Variants in WDR31 observed in about 807,000 individuals in gnomAD.
WDR31 encodes the protein WD repeat-containing protein 31.
A neutral mutation model predicts 47.3 loss-of-function variants in WDR31; 30 were observed. That is an observed-to-expected ratio of 0.63 (90% CI 0.47 to 0.86). WDR31 has a LOEUF of 0.86. Among genes scored for constraint, WDR31 ranks in the 40% least tolerant of loss-of-function variants. The pLI, the probability that WDR31 is intolerant of heterozygous loss-of-function variation, is 0.00. For synonymous variants in WDR31, 137 were observed against 159.4 expected (o/e 0.86, Z 1.06); for missense variants, 406 against 442.9 (o/e 0.92, Z 0.75).
chr9:113,325,429 A>T (rs1015286538), intron 5 of WDR31, among the ~76,000 whole-genome samples: 2 of 151,692 alleles, frequency 1.3e-5, no homozygotes, highest in Non-Finnish European at 1.5e-5. Context: ...TCATATTTTC[A>T]TTGTCTTCTT....
intron 6 of WDR31, 27 bp from the exon 7 acceptor site, chr9:113,322,938 C>A: frequency 6.2e-7 from 1 of 1,613,924 alleles, no homozygotes; most frequent in Non-Finnish European, 8.5e-7. Flanking sequence ...GAGAAGACAG[C>A]CTGTGAGTGG....
intron 5 of WDR31, among the ~76,000 whole-genome samples, chr9:113,325,361 T>C (rs1833438492): frequency 6.6e-6 from 1 of 152,238 alleles, no homozygotes; most frequent in Non-Finnish European, 1.5e-5. Context: ...ACTGCTATCA[T>C]ATATATGTTT....
chr9:113,316,701 C>A lies in WDR31; in HGVS notation c.*48G>T. ...TAACTGGGAAAGACACAAAGCCATG[C>A]TGAGGAGGAGCCATGGTTTGATATT... is the stretch of plus-strand genomic sequence containing the variant. On this transcript the variant is annotated 3_prime_UTR_variant, in exon 11 of 11. Transcript: ENST00000374193. 6.3e-7 allele frequency: 1 copy of A among 1,580,184 alleles called. No homozygotes were observed. The highest frequency in any genetic ancestry group is 1.8e-5 in the Admixed American group (1 of 56,920).
rs1588034863 is a variant in WDR31, at chr9:113,313,876, A to G, written c.*2873T>C. On this transcript the variant is annotated 3_prime_UTR_variant, in exon 11 of 11. Transcript: ENST00000374193. ...AAGGTTTAGAGGATAAGATCTAAGA[A>G]TGGATGAAGGAGGCCGGGCGCAGTG... The G allele has an allele frequency of 1.3e-5, 2 of 152,298 alleles. No homozygotes were observed. The highest frequency in any genetic ancestry group is 3.9e-4 in the East Asian group (2 of 5,162). The allele number at this position is 152,298 out of a possible 1,614,324, so 9.4% of individuals were successfully genotyped here.
intron 10 of WDR31, among the ~76,000 whole-genome samples, chr9:113,317,612 A>G (rs1301646286): frequency 1.3e-5 from 2 of 152,256 alleles, no homozygotes; most frequent in Non-Finnish European, 2.9e-5. Flanking sequence ...CTGTTTGCAG[A>G]ATGCCCACAA....
chr9:113,326,346 TTTTC>T (rs1318362018), intron 5 of WDR31, among the ~76,000 whole-genome samples: 4 of 152,124 alleles, frequency 2.6e-5, no homozygotes, highest in Non-Finnish European at 4.4e-5. Flanking sequence ...TACAGATTCT[TTTTC>T]TTTCTTCCTT....
chr9:113,323,752 C>T (rs1246885157), intron 5 of WDR31, among the ~76,000 whole-genome samples: 4 of 152,150 alleles, frequency 2.6e-5, no homozygotes. Flanking sequence ...GAGGATGTAT[C>T]CCCTCTTGGG....
chr9:113,331,083 T>G lies in WDR31; in HGVS notation c.150A>C (p.Gln50His). 6.2e-7 allele frequency: 1 copy of G among 1,604,814 alleles called. No individual in the cohort carries two copies. Among genetic ancestry groups the G allele is most frequent in the Non-Finnish European group, 8.5e-7 (1 of 1,173,714 alleles). The change falls in exon 4 of 11, where the codon CAA becomes CAC. Residue 50 changes from glutamine to histidine, a missense_variant. By Grantham distance (24) the Gln-to-His change is conservative (BLOSUM62 0). Coordinates refer to ENST00000374193, the MANE Select transcript of WDR31 (RefSeq NM_001012361.4). ...GGCTATACTCTTGAAAAGCTTTAGT[T>G]TGAATTCTCTCTTCTATAATTTCAT... ...RPDEIIEERI[Q>H]TKAFQEYSPA...
intron 7 of WDR31, 74 bp downstream of exon 7, chr9:113,322,737 T>A: frequency 5.4e-6 from 8 of 1,486,184 alleles, no homozygotes; most frequent in Non-Finnish European, 7.4e-6. Flanking sequence ...GGCCTCCTGA[T>A]TTATCTCCCG....
rs952698263 is a variant in WDR31, at chr9:113,322,538, C to A, written c.570+273G>T. Among the ~76,000 whole-genome samples the A allele has an allele frequency of 3.3e-5, 5 of 152,240 alleles. No homozygotes were observed. In the East Asian group the frequency reaches 9.6e-4, roughly 29 times the overall value. Reference sequence around the variant, plus strand: ...ACCCTGTTCCTAGCACAGTGTCTGGCCCACAGAAGAAACAGAATAATGAAA... The same window carrying A: ...ACCCTGTTCCTAGCACAGTGTCTGGACCACAGAAGAAACAGAATAATGAAA... On this transcript the variant is annotated intron_variant, in intron 7 of 10. Coordinates refer to ENST00000374193, the MANE Select transcript of WDR31 (RefSeq NM_001012361.4).
chr9:113,319,828 T>G (rs193227858), intron 9 of WDR31, among the ~76,000 whole-genome samples: 4 of 152,366 alleles, frequency 2.6e-5, no homozygotes, highest in Admixed American at 6.5e-5. Context: ...CTCTAAGCTC[T>G]GCTGGGAGTA....
At chr9:113,317,642 T>G (rs368295795) in intron 10 of WDR31, among the ~76,000 whole-genome samples, 1 of 152,328 alleles carries the variant, frequency 6.6e-6, no homozygotes, top group South Asian at 2.1e-4. Context: ...CTGCCTCTAT[T>G]CTCTGAGGGA....
chr9:113,331,829 C>T, intron 3 of WDR31, 78 bp downstream of exon 3: 1 of 1,362,412 alleles, frequency 7.3e-7, no homozygotes, highest in Non-Finnish European at 1.0e-6. Context: ...AACATTCGCC[C>T]TGGGCCTTCT....
intron 5 of WDR31, 105 bp from the exon 6 acceptor site, chr9:113,323,260 C>T (rs1833373789): frequency 7.3e-7 from 1 of 1,375,942 alleles, no homozygotes; most frequent in Admixed American, 2.4e-5. Context: ...TCCCCACACA[C>T]ACTTCTTTTC....
At chr9:113,318,860 C>T (rs1438871245) in intron 9 of WDR31, among the ~76,000 whole-genome samples, 2 of 152,318 alleles carry the variant, frequency 1.3e-5, no homozygotes, top group African/African-American at 2.4e-5. Flanking sequence ...TCTCAAACAA[C>T]CCTGGTTAAG....
At chr9:113,336,687 T>A (rs1350241462) in intron 1 of WDR31, among the ~76,000 whole-genome samples, 2 of 152,236 alleles carry the variant, frequency 1.3e-5, no homozygotes, top group Non-Finnish European at 2.9e-5. Context: ...TCATCAAAAA[T>A]CTTGAGTTGA....
intron 1 of WDR31, among the ~76,000 whole-genome samples, chr9:113,339,064 G>T (rs1833775262): frequency 6.6e-6 from 1 of 152,316 alleles, no homozygotes; most frequent in East Asian, 1.9e-4. Context: ...TACAGATTCA[G>T]TTATGGCTCT....
intron 5 of WDR31, among the ~76,000 whole-genome samples, chr9:113,326,690 TC>T (rs1833477462): frequency 6.6e-6 from 1 of 152,160 alleles, no homozygotes; most frequent in African/African-American, 2.4e-5. Context: ...CCCAGGCTGG[TC>T]TTGAACTCCT....
Position 113,323,165 on chromosome 9 carries a change from G to C in WDR31, c.325-10C>G. 1.2e-6 allele frequency: 2 copies of C among 1,607,710 alleles called. No homozygotes were observed. Among genetic ancestry groups the C allele is most frequent in the Non-Finnish European group, 1.7e-6 (2 of 1,177,804 alleles). ...TGGGAATACAGGCTACCTGCTCAGG[G>C]AAAAAACAACAACACTGAAATAGCT... On this transcript the variant is annotated splice_polypyrimidine_tract_variant and intron_variant, in intron 5 of 10. Transcript: ENST00000374193.
Sources: allele counts gnomAD v4.1 joint callset (sites outside exome capture counted in the v4.1 genomes callset), GRCh38; gene constraint gnomAD v4.1.1; transcripts MANE v1.5; gene names NCBI Gene and HGNC (gene_info 2026-07-23, HGNC 2026-07-21).